ENTREP2: variants seen among roughly 807,000 people sequenced by gnomAD.
The protein encoded by ENTREP2 is endosomal transmembrane epsin interactor 2, also known as protein ENTREP2.
chr15:29,238,624 G>T, the ENTREP2 span, among the ~76,000 whole-genome samples: 2 of 151,738 alleles, frequency 1.3e-5, no homozygotes, highest in South Asian at 4.2e-4. Flanking sequence ...GACAGAGTGA[G>T]ACTCCATCTC....
the ENTREP2 span, among the ~76,000 whole-genome samples, chr15:29,590,686 A>G: frequency 6.2e-5 from 9 of 144,492 alleles, no homozygotes; most frequent in African/African-American, 2.5e-4. Flanking sequence ...TCCGTCTCAA[A>G]AAAAAAAAAA....
chr15:29,422,045 A>C, the ENTREP2 span, among the ~76,000 whole-genome samples: 1 of 152,142 alleles, frequency 6.6e-6, no homozygotes, highest in Non-Finnish European at 1.5e-5. Context: ...AAGCAGGTGG[A>C]TCACCTGAGG....
chr15:29,286,545 C>G, the ENTREP2 span, among the ~76,000 whole-genome samples: 1 of 152,152 alleles, frequency 6.6e-6, no homozygotes, highest in Non-Finnish European at 1.5e-5. Context: ...CCTTTTGTGG[C>G]CTGCTTTGAA....
the ENTREP2 span, among the ~76,000 whole-genome samples, chr15:29,436,574 T>C: frequency 1.6e-4 from 25 of 152,220 alleles, no homozygotes; most frequent in Non-Finnish European, 2.2e-4. Flanking sequence ...ACTGGCATTA[T>C]AGAGGGCAGC....
chr15:29,362,940 C>T, the ENTREP2 span, among the ~76,000 whole-genome samples: 1 of 152,074 alleles, frequency 6.6e-6, no homozygotes, highest in African/African-American at 2.4e-5. Flanking sequence ...GACTATCTTT[C>T]CCTGCTGATA....
chr15:29,161,883 C>T, the ENTREP2 span, among the ~76,000 whole-genome samples: 1 of 152,090 alleles, frequency 6.6e-6, no homozygotes, highest in African/African-American at 2.4e-5. Flanking sequence ...ATTTTAGCTC[C>T]AGATCGACTG....
the ENTREP2 span, among the ~76,000 whole-genome samples, chr15:29,406,229 C>A: frequency 6.6e-6 from 1 of 152,138 alleles, no homozygotes; most frequent in South Asian, 2.1e-4. Context: ...CATTTGGAAT[C>A]ACAAACGTAT....
chr15:29,588,253 G>C, the ENTREP2 span, among the ~76,000 whole-genome samples: 3 of 151,986 alleles, frequency 2.0e-5, no homozygotes, highest in African/African-American at 7.3e-5. Flanking sequence ...CACCAAGAGG[G>C]TACACTTGGC....
the ENTREP2 span, among the ~76,000 whole-genome samples, chr15:29,389,991 G>C: frequency 6.6e-6 from 1 of 152,146 alleles, no homozygotes; most frequent in Admixed American, 6.5e-5. Context: ...TATTGCTCAG[G>C]GAGAGGAGGC....
At chr15:29,210,346 C>G in the ENTREP2 span, among the ~76,000 whole-genome samples, 12 of 152,174 alleles carry the variant, frequency 7.9e-5, no homozygotes, top group African/African-American at 2.9e-4. Flanking sequence ...AAGGATCTGG[C>G]CCATGCTGTC....
the ENTREP2 span, among the ~76,000 whole-genome samples, chr15:29,206,557 C>G: frequency 6.6e-6 from 1 of 152,142 alleles, no homozygotes; most frequent in African/African-American, 2.4e-5. Flanking sequence ...AGATCACACC[C>G]CGCATGATTC....
chr15:29,650,751 C>T, the ENTREP2 span, among the ~76,000 whole-genome samples: 6 of 152,132 alleles, frequency 3.9e-5, no homozygotes, highest in Admixed American at 1.3e-4. Context: ...TTTCTTATTG[C>T]TTCTTGCTTT....
At chr15:29,483,958 A>C in the ENTREP2 span, among the ~76,000 whole-genome samples, 1 of 152,160 alleles carries the variant, frequency 6.6e-6, no homozygotes, top group Non-Finnish European at 1.5e-5. Flanking sequence ...AAACTTTCAC[A>C]CTATGATGAC....
chr15:29,590,979 A>G, the ENTREP2 span, among the ~76,000 whole-genome samples: 1 of 152,198 alleles, frequency 6.6e-6, no homozygotes, highest in East Asian at 1.9e-4. Context: ...TACTTTCTGC[A>G]TTCATCTTAC....
At chr15:29,252,694 T>A in the ENTREP2 span, among the ~76,000 whole-genome samples, 1 of 152,222 alleles carries the variant, frequency 6.6e-6, no homozygotes, top group Non-Finnish European at 1.5e-5. Context: ...TAGGAAGCCA[T>A]AGCAAGCTAC....
the ENTREP2 span, among the ~76,000 whole-genome samples, chr15:29,527,869 G>T: frequency 1.7e-4 from 26 of 152,214 alleles, no homozygotes; most frequent in African/African-American, 5.8e-4. Flanking sequence ...TGATTCACAG[G>T]GGTCTCCATT....
At chr15:29,634,751 GCTC>G in the ENTREP2 span, among the ~76,000 whole-genome samples, 31 of 152,204 alleles carry the variant, frequency 2.0e-4, no homozygotes, top group African/African-American at 6.3e-4. Flanking sequence ...GGTCCCCATG[GCTC>G]CTCTTTTGGT....
the ENTREP2 span, among the ~76,000 whole-genome samples, chr15:29,652,271 T>C: frequency 6.3e-4 from 96 of 152,092 alleles, no homozygotes; most frequent in African/African-American, 1.7e-3. Flanking sequence ...CCTTCTCCTC[T>C]CTGCTGAGGG....
At chr15:29,250,460 C>T in the ENTREP2 span, among the ~76,000 whole-genome samples, 2,742 of 152,214 alleles carry the variant, frequency 0.018, 38 homozygotes, top group Admixed American at 0.033. Context: ...GTATAGAAAG[C>T]GGTAAGAAAT....
Sources: allele counts gnomAD v4.1 joint callset (sites outside exome capture counted in the v4.1 genomes callset), GRCh38; gene constraint gnomAD v4.1.1; transcripts MANE v1.5; gene names NCBI Gene and HGNC (gene_info 2026-07-23, HGNC 2026-07-21).